The following AP3B2 variants were observed in gnomAD, a reference collection of about 807,000 sequenced individuals.
The protein encoded by AP3B2 is adaptor related protein complex 3 subunit beta 2, also known as AP-3 complex subunit beta-2.
Under a neutral mutation model 126.9 loss-of-function variants are expected in AP3B2, and 50 were observed. The observed-to-expected ratio is 0.39, with a 90% confidence interval of 0.31 to 0.50. The LOEUF (loss-of-function observed/expected upper bound fraction) is 0.50. Ranked by LOEUF, AP3B2 falls within the 20% of genes least tolerant of loss-of-function variation. The probability of loss-of-function intolerance (pLI) is 0.79; values close to 1 mark genes in which losing one functional copy is unlikely to be tolerated. For missense variants in AP3B2, 1,177 were observed against 1,426.4 expected (o/e 0.83, Z 2.82); for synonymous variants, 541 against 565.0 (o/e 0.96, Z 0.60).
At chr15:82,666,229 C>CCGTT (rs1317567296) in intron 15 of AP3B2, among the ~76,000 whole-genome samples, 4 of 152,214 alleles carry the variant, frequency 2.6e-5, no homozygotes, top group Admixed American at 2.6e-4. Context: ...CATCTCAAGG[C>CCGTT]CGTTGTCTTG....
In AP3B2 at chr15:82,664,473, C is replaced by G. The variant is rs747279235; in HGVS notation, c.2155G>C (p.Glu719Gln). The G allele has an allele frequency of 5.0e-6, 8 of 1,613,530 alleles. No individual in the cohort carries two copies. The highest frequency in any genetic ancestry group is 1.3e-5 in the African/African-American group (1 of 74,902). The change falls in exon 19 of 27, where the codon GAA becomes CAA. Residue 719 changes from glutamate (E) to glutamine (Q), a missense_variant. Physicochemically the swap from Glu to Gln is conservative, Grantham distance 29. Transcript: ENST00000535359. This position sits in a 1 kb window ranked among gnomAD's most constrained non-coding sequence, Gnocchi z 4.5. ...TCACTGCTGCTCTTACTGTCCGATT[C>G]ACTCTCAGACTCAGGGTCTGTGGAG... Reference protein sequence around the residue: ...SADSDPESESESDSKSSSESG... With the variant: ...SADSDPESESQSDSKSSSESG...
chr15:82,705,410 G>C lies in AP3B2; in HGVS notation c.113+4184C>G, dbSNP rs1255095827. Among the ~76,000 whole-genome samples the C allele has an allele frequency of 2.6e-5, 4 of 151,994 alleles. No individual in the cohort carries two copies. The South Asian group carries it at 8.3e-4, about 32-fold the overall frequency. ...TGTGCCTTGTCAGCCAAATTGTTTT[G>C]CCTATCCACCCCGTGGTGCCAAACT... On this transcript the variant is annotated intron_variant, in intron 1 of 26. Coordinates refer to ENST00000535359, the MANE Select transcript of AP3B2 (RefSeq NM_001278512.2).
intron 1 of AP3B2, chr15:82,692,026 T>G: frequency 6.8e-7 from 1 of 1,471,208 alleles, no homozygotes; most frequent in East Asian, 2.3e-5. Flanking sequence ...GCCAGCTGCC[T>G]GAGGAAGTCC....
chr15:82,681,136 C>T lies in AP3B2; in HGVS notation c.564G>A (p.Glu188=). Reference sequence around the variant, plus strand: ...CCGTGGTCTTGTCAGCCAGAAGCTTCTCAATGACTTCTATCAGCTGATCCT... The same window carrying T: ...CCGTGGTCTTGTCAGCCAGAAGCTTTTCAATGACTTCTATCAGCTGATCCT... ...DQKDQLIEVI[E]KLLADKTTLV... is the part of the protein sequence containing the mutation. Residue 188 remains glutamate, a synonymous_variant, in exon 6 of 27, where the codon GAG becomes GAA. Transcript: ENST00000535359. This position sits in a 1 kb window ranked among gnomAD's most constrained non-coding sequence, Gnocchi z 4.0. 2 of 1,613,340 alleles carry T rather than the reference C, an allele frequency of 1.2e-6. No individual in the cohort carries two copies. Among genetic ancestry groups the T allele is most frequent in the Non-Finnish European group, 1.7e-6 (2 of 1,179,654 alleles).
chr15:82,705,101 CT>C (rs1009321791), intron 1 of AP3B2, among the ~76,000 whole-genome samples: 3 of 152,072 alleles, frequency 2.0e-5, no homozygotes, highest in African/African-American at 7.2e-5. Context: ...TCAAAGCCTC[CT>C]TCACATCCTC....
chr15:82,659,716 G>A lies in AP3B2; in HGVS notation c.3156-6C>T. 6.2e-7 allele frequency: 1 copy of A among 1,613,826 alleles called. No individual in the cohort carries two copies. The highest frequency in any genetic ancestry group is 8.5e-7 in the Non-Finnish European group (1 of 1,179,784). On this transcript the variant is annotated splice_polypyrimidine_tract_variant and splice_region_variant and intron_variant, in intron 26 of 26. Coordinates refer to ENST00000535359, the MANE Select transcript of AP3B2 (RefSeq NM_001278512.2). ...TCAGTGTCCTCCCTGCAAACCTGAG[G>A]TGGGAATAGAAGGGGTGAGGAAGAG...
chr15:82,690,768 C>A (rs1455691929), intron 1 of AP3B2, among the ~76,000 whole-genome samples: 1 of 149,694 alleles, frequency 6.7e-6, no homozygotes, highest in Admixed American at 6.8e-5. Flanking sequence ...ATTCTCCTGC[C>A]TCAGCCTACC....
intron 1 of AP3B2, among the ~76,000 whole-genome samples, chr15:82,703,332 C>T (rs912378286): frequency 1.3e-5 from 2 of 151,714 alleles, no homozygotes; most frequent in Non-Finnish European, 1.5e-5. Flanking sequence ...ACCCCCGACT[C>T]CTTCTCTCTG....
intron 4 of AP3B2, chr15:82,685,658 T>C (rs991661196): frequency 1.3e-5 from 2 of 152,232 alleles, no homozygotes; most frequent in Non-Finnish European, 2.9e-5. Flanking sequence ...GAAATGATTA[T>C]AGATTCACAG....
chr15:82,694,940 A>C (rs1442176500), intron 1 of AP3B2, among the ~76,000 whole-genome samples: 5 of 152,144 alleles, frequency 3.3e-5, no homozygotes, highest in Non-Finnish European at 4.4e-5. Flanking sequence ...TTCTGTTCTA[A>C]TATTTGGTCT....
Position 82,688,820 on chromosome 15 carries a change from A to G in AP3B2, c.276T>C (p.Leu92=). 1 of 1,611,708 alleles carries G rather than the reference A, an allele frequency of 6.2e-7. No homozygotes were observed. The highest frequency in any genetic ancestry group is 8.5e-7 in the Non-Finnish European group (1 of 1,178,954). ...VACKNIEVKK[L]VYVYLVRYAE... is the part of the protein sequence containing the mutation. ...CGTAGCGTACCAGGTACACATAGAC[A>G]AGCTTCTTCACCTTGGGGAGAGCAC... Residue 92 remains leucine, a synonymous_variant, in exon 4 of 27, where the codon CTT becomes CTC. Transcript: ENST00000535359.
intron 1 of AP3B2, chr15:82,699,845 C>T (rs531023471): frequency 2.3e-5 from 9 of 399,726 alleles, no homozygotes; most frequent in Non-Finnish European, 3.5e-5. Flanking sequence ...GGCCTCACCA[C>T]GGCCCCCGGG....
Position 82,665,042 on chromosome 15 carries a change from C to G in AP3B2, c.2029-99G>C. ...CTTTATTCCACCTCTTTGTGAGGCC[C>G]TACCTGGTCTGTCCCACAAAGGGAA... On this transcript the variant is annotated intron_variant, in intron 17 of 26. Coordinates refer to ENST00000535359, the MANE Select transcript of AP3B2 (RefSeq NM_001278512.2). This position sits in a 1 kb window ranked among gnomAD's most constrained non-coding sequence, Gnocchi z 4.4. 3 of 1,080,836 alleles carry G rather than the reference C, an allele frequency of 2.8e-6. No individual in the cohort carries two copies. The highest frequency in any genetic ancestry group is 4.1e-6 in the Non-Finnish European group (3 of 728,148). 67.0% of individuals were successfully genotyped at this position (1,080,836 alleles called of 1,614,324 possible). A position where few individuals can be genotyped will look rare whatever the true frequency, so the allele number is the denominator to read the frequency against.
chr15:82,677,834 G>A, intron 11 of AP3B2, 31 bp from the exon 12 acceptor site: 1 of 1,564,432 alleles, frequency 6.4e-7, no homozygotes, highest in Non-Finnish European at 8.7e-7. Context: ...ATCCCTCAGT[G>A]ACTCTGCAGG....
chr15:82,692,376 C>T, intron 1 of AP3B2: 2 of 511,482 alleles, frequency 3.9e-6, no homozygotes, highest in Non-Finnish European at 3.4e-6. Context: ...TCCCAACGCC[C>T]CCTCCCCGCA....
Position 82,676,441 on chromosome 15 carries a change from G to T in AP3B2, c.1665+20C>A, listed in dbSNP as rs770783937. 6.2e-7 allele frequency: 1 copy of T among 1,611,412 alleles called. No homozygotes were observed. Among genetic ancestry groups the T allele is most frequent in the African/African-American group, 1.3e-5 (1 of 74,866 alleles). On this transcript the variant is annotated intron_variant, in intron 14 of 26. Coordinates refer to ENST00000535359, the MANE Select transcript of AP3B2 (RefSeq NM_001278512.2). The stretch of plus-strand genomic sequence containing the variant: ...TTTCTGGGGACCAGAGTATCTGGGG[G>T]GTCATCTCTTAATCTTTACCTGTTT...
At chr15:82,661,987 T>C in intron 24 of AP3B2, 65 bp from the exon 25 acceptor site, 1 of 1,475,486 alleles carries the variant, frequency 6.8e-7, no homozygotes, top group African/African-American at 1.4e-5. Context: ...CTTCCCACCC[T>C]GTGTAGAGGC....
intron 1 of AP3B2, among the ~76,000 whole-genome samples, chr15:82,698,330 C>A (rs1261542796): frequency 6.6e-6 from 1 of 151,898 alleles, no homozygotes. Flanking sequence ...CACCTACAAA[C>A]CCCCCAGACA....
chr15:82,684,691 A>AT (rs1491509216), intron 4 of AP3B2, among the ~76,000 whole-genome samples: 1 of 152,088 alleles, frequency 6.6e-6, no homozygotes. Context: ...ACTTAAAAAA[A>AT]TTTTTTATAG....
Sources: allele counts gnomAD v4.1 joint callset (sites outside exome capture counted in the v4.1 genomes callset), GRCh38; gene constraint gnomAD v4.1.1; non-coding constraint Gnocchi (gnomAD v3.1); transcripts MANE v1.5; gene names NCBI Gene and HGNC (gene_info 2026-07-23, HGNC 2026-07-21).